The following DNAJC16 variants were observed in gnomAD, a reference collection of about 807,000 sequenced individuals.
DNAJC16 encodes the protein dnaJ homolog subfamily C member 16.
In DNAJC16, 76 loss-of-function variants were observed where a neutral mutation model predicts 92.7. That is an observed-to-expected ratio of 0.82 (90% CI 0.68 to 0.99). The LOEUF is 0.99. Among genes scored for constraint, DNAJC16 ranks in the 50% least tolerant of loss-of-function variants. The pLI, the probability that DNAJC16 is intolerant of heterozygous loss-of-function variation, is 0.00. For synonymous variants in DNAJC16, 328 were observed against 358.7 expected (o/e 0.91, Z 0.97); for missense variants, 869 against 942.4 (o/e 0.92, Z 1.02).
intron 11 of DNAJC16, 94 bp from the exon 12 acceptor site, chr1:15,565,825 G>GTA (rs1638793323): frequency 8.1e-7 from 1 of 1,235,558 alleles, no homozygotes; most frequent in African/African-American, 1.5e-5. Context: ...TTATTGGTGT[G>GTA]AAGAGTTTTT....
At chr1:15,562,358 C>T in intron 9 of DNAJC16, 33 bp downstream of exon 9, 1 of 1,564,296 alleles carries the variant, frequency 6.4e-7, no homozygotes, top group Non-Finnish European at 8.7e-7. Context: ...ATCCCAGGCT[C>T]TTCATAACCA....
intron 7 of DNAJC16, 101 bp downstream of exon 7, chr1:15,548,529 C>A: frequency 8.2e-7 from 1 of 1,215,918 alleles, no homozygotes; most frequent in Non-Finnish European, 1.1e-6. Flanking sequence ...AGGAAAGGAT[C>A]TTCCTTCAGA....
At chr1:15,530,427 A>G (rs1334640536) in intron 2 of DNAJC16, among the ~76,000 whole-genome samples, 2 of 152,214 alleles carry the variant, frequency 1.3e-5, no homozygotes, top group Non-Finnish European at 2.9e-5. Flanking sequence ...TAAATCTAAA[A>G]CTTTGGACAA....
chr1:15,536,328 C>A, intron 3 of DNAJC16, 147 bp from the exon 4 acceptor site: 1 of 620,446 alleles, frequency 1.6e-6, no homozygotes, highest in South Asian at 2.2e-5. Context: ...GATCCACCCG[C>A]CTCAGCCTCC....
At chr1:15,548,465 A>T (rs747401458) in intron 7 of DNAJC16, 37 bp downstream of exon 7, 7 of 1,564,824 alleles carry the variant, frequency 4.5e-6, no homozygotes, top group Admixed American at 3.6e-5. Context: ...TTTTCTTCAC[A>T]TTTTATCCCA....
Position 15,527,816 on chromosome 1 carries a change from G to A in DNAJC16, c.-19+858G>A, listed in dbSNP as rs185600121. The stretch of plus-strand genomic sequence containing the variant: ...TAGCTTTGCCCTTCTTCAGTAAGGT[G>A]TCACAGAAGACACTTGAACCTTAAA... On this transcript the variant is annotated intron_variant, in intron 1 of 14. Transcript: ENST00000375847. 1.5e-4 allele frequency among the ~76,000 whole-genome samples: 23 copies of A among 152,292 alleles called. No individual in the cohort carries two copies. The East Asian group carries it at 4.4e-3, about 29-fold the overall frequency.
intron 9 of DNAJC16, among the ~76,000 whole-genome samples, chr1:15,563,097 TTCA>T (rs1392190919): frequency 2.0e-5 from 3 of 151,944 alleles, no homozygotes; most frequent in African/African-American, 7.3e-5. Context: ...CCTCTGACTT[TTCA>T]TCATTTTCGC....
chr1:15,549,093 A>C (rs1396943849), intron 7 of DNAJC16, among the ~76,000 whole-genome samples: 1 of 152,222 alleles, frequency 6.6e-6, no homozygotes, highest in African/African-American at 2.4e-5. Flanking sequence ...TAGAGAAACA[A>C]GTACTATCTT....
chr1:15,545,619 GC>G (rs1469736604), intron 5 of DNAJC16, among the ~76,000 whole-genome samples: 15 of 152,158 alleles, frequency 9.9e-5, no homozygotes, highest in Admixed American at 9.8e-4. Context: ...ACATGAAATA[GC>G]CCGCTTTGTA....
chr1:15,571,705 AAG>A lies in DNAJC16; in HGVS notation c.*3530_*3531del, dbSNP rs1638951517. 1 of 152,588 alleles carries A rather than the reference AAG, an allele frequency of 6.6e-6. No homozygotes were observed. 9.5% of individuals were successfully genotyped at this position (152,588 alleles called of 1,614,324 possible). ...TTATTTTAAGATTACAGAATGGAAA[AAG>A]AAATAAACTATTTTAATGTCTGATA... On this transcript the variant is annotated 3_prime_UTR_variant, in exon 15 of 15. Transcript: ENST00000375847.
At chr1:15,549,625 C>T (rs981640082) in intron 7 of DNAJC16, among the ~76,000 whole-genome samples, 5 of 151,606 alleles carry the variant, frequency 3.3e-5, no homozygotes, top group African/African-American at 1.2e-4. Flanking sequence ...CCATCCTGGC[C>T]AACGTGGTGA....
intron 13 of DNAJC16, chr1:15,566,485 G>A (rs41270255): frequency 0.24 from 75,345 of 315,704 alleles, 11,392 homozygotes; most frequent in African/African-American, 0.46. Flanking sequence ...AGTCTTGTGC[G>A]CACACACACC....
intron 7 of DNAJC16, among the ~76,000 whole-genome samples, chr1:15,554,202 CAA>C (rs112745207): frequency 3.7e-5 from 5 of 134,160 alleles, no homozygotes; most frequent in Admixed American, 7.5e-5. Context: ...GACCCTGTCT[CAA>C]AAAAAAAAAA....
intron 3 of DNAJC16, among the ~76,000 whole-genome samples, chr1:15,534,988 G>C (rs762280894): frequency 8.5e-5 from 13 of 152,198 alleles, no homozygotes; most frequent in Non-Finnish European, 1.9e-4. Context: ...CAGTATGTCA[G>C]CTCAAGTAGA....
rs770693555 is a variant in DNAJC16 at position 15,544,411 on chromosome 1, G to T, written c.587G>T (p.Gly196Val). 1.2e-6 allele frequency: 2 copies of T among 1,612,376 alleles called. No individual in the cohort carries two copies. Among genetic ancestry groups the T allele is most frequent in the Non-Finnish European group, 1.7e-6 (2 of 1,178,880 alleles). ...QELEELGVGI[G>V]VVHAGYERRL... ...CCATTCTTTTCAGGTGTAGGAATTG[G>T]CGTGGTCCATGCTGGGTATGAGAGA... is the stretch of plus-strand genomic sequence containing the variant. Residue 196 changes from glycine to valine, a missense_variant, in exon 5 of 15, where the codon GGC becomes GTC. By Grantham distance (109) the Gly-to-Val change is moderately radical (BLOSUM62 -3). Transcript: ENST00000375847.
In DNAJC16 at chr1:15,529,213, C is replaced by T. The variant is rs1192202686; in HGVS notation, c.108C>T (p.Val36=). Residue 36 remains valine (V), a synonymous_variant, in exon 2 of 15, where the codon GTC becomes GTT. Coordinates refer to ENST00000375847, the MANE Select transcript of DNAJC16 (RefSeq NM_015291.4). ...TTGACCCATACAGAGTCCTAGGGGT[C>T]AGCCGAACAGCCAGTCAGGCTGATA... ...LDFDPYRVLG[V]SRTASQADIK... 8.7e-6 allele frequency: 14 copies of T among 1,612,800 alleles called. No homozygotes were observed. Among genetic ancestry groups the T allele is most frequent in the Admixed American group, 8.3e-5 (5 of 59,976 alleles).
intron 7 of DNAJC16, among the ~76,000 whole-genome samples, chr1:15,552,885 A>G (rs1403085611): frequency 1.3e-5 from 2 of 150,530 alleles, no homozygotes; most frequent in East Asian, 4.0e-4. Context: ...CTTGTGCCTC[A>G]GCCTTCGGAG....
At chr1:15,534,202 C>G (rs370575231) in intron 2 of DNAJC16, 35 bp from the exon 3 acceptor site, 27 of 1,611,698 alleles carry the variant, frequency 1.7e-5, no homozygotes, top group Middle Eastern at 1.6e-4. Flanking sequence ...TTAAAAGTTA[C>G]ATCCTTTCTC....
In DNAJC16 at chr1:15,530,900, CTGG is replaced by C. The variant is rs562680163; in HGVS notation, c.167+1630_167+1632del. 1.5e-3 allele frequency among the ~76,000 whole-genome samples: 230 copies of C among 152,316 alleles called. 1 individual carries two copies. Among genetic ancestry groups the C allele is most frequent in the African/African-American group, 5.3e-3 (221 of 41,570 alleles). On this transcript the variant is annotated intron_variant, in intron 2 of 14. Coordinates refer to ENST00000375847, the MANE Select transcript of DNAJC16 (RefSeq NM_015291.4). ...ACGGGGTTTTGCCATATTGGCCAGG[CTGG>C]TCTCAGACTCCTGACCTCAAGTGAT...
Sources: gnomAD v4.1 joint callset for allele counts (sites outside exome capture counted in the v4.1 genomes callset) on GRCh38, gnomAD v4.1.1 for gene constraint, MANE v1.5 for transcripts, NCBI Gene and HGNC (gene_info 2026-07-23, HGNC 2026-07-21) for gene names.